Variants in RORA observed in about 807,000 individuals in gnomAD.
RORA encodes RAR related orphan receptor A, also known as nuclear receptor ROR-alpha.
Under a neutral mutation model 69.5 loss-of-function variants are expected in RORA, and 7 were observed. The observed-to-expected ratio is 0.10, with a 90% CI of 0.06 to 0.19. RORA has a LOEUF of 0.19. RORA is among the 10% of genes least tolerant of loss of function. The probability of loss-of-function intolerance (pLI) is 1.00; values close to 1 mark genes in which losing one functional copy is unlikely to be tolerated. For synonymous variants in RORA, 261 were observed against 240.8 expected, an observed-to-expected ratio of 1.08 and a Z score of -0.78; for missense variants, 457 against 663.0, an observed-to-expected ratio of 0.69 and a Z score of 3.41.
chr15:60,616,882 G>A lies in RORA; in HGVS notation c.196+61775C>T, dbSNP rs528864515. On this transcript the variant is annotated intron_variant, in intron 2 of 10. Coordinates refer to ENST00000335670, the MANE Select transcript of RORA (RefSeq NM_134261.3). ...CCCCTTGTTCTCAGACCAGCCTCACGTCTACCTCTATAAGTAACAGGTTGA... is the reference window on the plus strand; with the variant it reads ...CCCCTTGTTCTCAGACCAGCCTCACATCTACCTCTATAAGTAACAGGTTGA... Among the ~76,000 whole-genome samples, 4 of 152,272 alleles carry A rather than the reference G, an allele frequency of 2.6e-5. No individual in the cohort carries two copies. The South Asian group carries it at 8.3e-4, about 32-fold the overall frequency.
chr15:60,641,927 C>G (rs2069951790), intron 2 of RORA, among the ~76,000 whole-genome samples: 1 of 152,172 alleles, frequency 6.6e-6, no homozygotes, highest in Non-Finnish European at 1.5e-5. Context: ...AAGGATCCTT[C>G]TAACCCATTT....
At chr15:61,161,679 A>G (rs1043601763) in intron 1 of RORA, among the ~76,000 whole-genome samples, 5 of 152,118 alleles carry the variant, frequency 3.3e-5, no homozygotes. Context: ...CTTATCTAGT[A>G]TTTGAATCTT....
chr15:60,760,548 A>T (rs1044419739), intron 1 of RORA, among the ~76,000 whole-genome samples: 1 of 152,150 alleles, frequency 6.6e-6, no homozygotes, highest in Non-Finnish European at 1.5e-5. Context: ...AGCTCTTTGG[A>T]TCCTTTCCTT....
In RORA at chr15:60,681,992, T is replaced by C. The variant is rs552837755; in HGVS notation, c.167-3306A>G. 4 of 152,330 alleles carry C rather than the reference T, an allele frequency of 2.6e-5. No individual in the cohort carries two copies. The East Asian group carries it at 7.7e-4, about 29-fold the overall frequency. The allele number at this position is 152,330 out of a possible 1,614,324, so 9.4% of individuals were successfully genotyped here. On this transcript the variant is annotated intron_variant, in intron 1 of 10. Coordinates refer to ENST00000335670, the MANE Select transcript of RORA (RefSeq NM_134261.3). Reference sequence around the variant, plus strand: ...GGAATCCAAGAATAAAGGCAGCTCTTAAGGTAACTAGATCTGGAGTCAAGC... The same window carrying C: ...GGAATCCAAGAATAAAGGCAGCTCTCAAGGTAACTAGATCTGGAGTCAAGC...
intron 1 of RORA, among the ~76,000 whole-genome samples, chr15:61,116,121 C>A (rs555335051): frequency 1.3e-5 from 2 of 152,056 alleles, no homozygotes; most frequent in Admixed American, 1.3e-4. Context: ...CAGGATGAAC[C>A]ATTTTAGCAG....
intron 1 of RORA, among the ~76,000 whole-genome samples, chr15:61,071,016 ACTC>A (rs1174369035): frequency 1.3e-5 from 2 of 151,148 alleles, no homozygotes; most frequent in Non-Finnish European, 2.9e-5. Context: ...AATCTAACGG[ACTC>A]CTCTGCTGAA....
chr15:60,884,346 T>C (rs1225412172), intron 1 of RORA, among the ~76,000 whole-genome samples: 2 of 151,810 alleles, frequency 1.3e-5, no homozygotes, highest in African/African-American at 2.4e-5. Context: ...TTTTTTTTTT[T>C]TCAAAAGTGC....
chr15:60,883,154 AAGAG>A (rs144718187), intron 1 of RORA, among the ~76,000 whole-genome samples: 2,095 of 93,060 alleles, frequency 0.023, 63 homozygotes, highest in Middle Eastern at 0.053. Context: ...AAAAAAAAGA[AAGAG>A]AGAGAGAGAG....
At chr15:60,729,359 G>A (rs184013963) in intron 1 of RORA, among the ~76,000 whole-genome samples, 64 of 152,234 alleles carry the variant, frequency 4.2e-4, no homozygotes, top group African/African-American at 1.5e-3. Context: ...GAGTGTCCTG[G>A]AGATGAGTCT....
chr15:60,600,746 A>C (rs2140553651), intron 2 of RORA, among the ~76,000 whole-genome samples: 1 of 152,186 alleles, frequency 6.6e-6, no homozygotes, highest in East Asian at 1.9e-4. Context: ...TTCCTGTTAG[A>C]TTTTTAGTAT....
intron 1 of RORA, among the ~76,000 whole-genome samples, chr15:61,096,911 A>C (rs187872809): frequency 6.6e-4 from 100 of 152,330 alleles, no homozygotes; most frequent in African/African-American, 2.3e-3. Flanking sequence ...TACAGATTTG[A>C]GTTATTTCAA....
At chr15:60,993,617 T>C (rs1894446746) in intron 1 of RORA, among the ~76,000 whole-genome samples, 1 of 115,820 alleles carries the variant, frequency 8.6e-6, no homozygotes, top group South Asian at 2.9e-4. Context: ...CACTCCAACC[T>C]GGGTGACAGA....
chr15:60,845,773 G>T (rs1385874222), intron 1 of RORA, among the ~76,000 whole-genome samples: 1 of 152,192 alleles, frequency 6.6e-6, no homozygotes, highest in Non-Finnish European at 1.5e-5. Context: ...TTGAGATGGA[G>T]TCTTGCTCTG....
In RORA at chr15:60,883,819, G is replaced by T. The variant is rs76982144; in HGVS notation, c.167-205133C>A. On this transcript the variant is annotated intron_variant, in intron 1 of 10. Coordinates refer to ENST00000335670, the MANE Select transcript of RORA (RefSeq NM_134261.3). ...GGAGTACAAAAGAGTATACGAAAGG[G>T]TGTTGAGTACTTGGAAAGCCCATTC... Among the ~76,000 whole-genome samples the T allele has an allele frequency of 6.2e-3, 943 of 152,334 alleles. 18 individuals carry two copies. The highest frequency in any genetic ancestry group is 0.022 in the African/African-American group (896 of 41,572).
At chr15:61,019,835 C>T (rs1895442661) in intron 1 of RORA, among the ~76,000 whole-genome samples, 1 of 152,176 alleles carries the variant, frequency 6.6e-6, no homozygotes, top group Non-Finnish European at 1.5e-5. Flanking sequence ...CTGACGGGGC[C>T]TGCCTGCCCC....
At chr15:60,944,649 AAAG>A (rs1892810111) in intron 1 of RORA, among the ~76,000 whole-genome samples, 2 of 148,892 alleles carry the variant, frequency 1.3e-5, no homozygotes, top group Non-Finnish European at 3.0e-5. Flanking sequence ...TGCTTGAGCA[AAAG>A]GGGCAGAGGT....
intron 1 of RORA, among the ~76,000 whole-genome samples, chr15:60,767,414 A>G (rs1334563337): frequency 6.6e-6 from 1 of 152,208 alleles, no homozygotes; most frequent in Non-Finnish European, 1.5e-5. Context: ...CAAATCTGCC[A>G]TTATAATATC....
chr15:61,010,744 A>AG (rs949240886), intron 1 of RORA, among the ~76,000 whole-genome samples: 35 of 152,282 alleles, frequency 2.3e-4, no homozygotes, highest in Middle Eastern at 6.8e-3. Context: ...CTTAGTTGCA[A>AG]GGGGGTGCTG....
In RORA at chr15:61,226,389, A is replaced by C. The variant is rs531560335; in HGVS notation, c.166+2664T>G. Among the ~76,000 whole-genome samples, 1 of 152,336 alleles carries C rather than the reference A, an allele frequency of 6.6e-6. No individual in the cohort carries two copies. Among genetic ancestry groups the C allele is most frequent in the South Asian group, 2.1e-4 (1 of 4,822 alleles). ...TATGTTTTAAGTATTTAAAAGGCAT[A>C]ATCACCTAGTGTGTAGGTTAATTTC... On this transcript the variant is annotated intron_variant, in intron 1 of 10. Transcript: ENST00000335670. The surrounding 1 kb of genome is among the most constrained non-coding windows in gnomAD (Gnocchi z 4.2).
Sources: allele counts gnomAD v4.1 joint callset (sites outside exome capture counted in the v4.1 genomes callset), GRCh38; gene constraint gnomAD v4.1.1; non-coding constraint Gnocchi (gnomAD v3.1); transcripts MANE v1.5; gene names NCBI Gene and HGNC (gene_info 2026-07-23, HGNC 2026-07-21).